Variants in ASTN2 observed in about 807,000 individuals in gnomAD.
ASTN2 encodes astrotactin-2.
ASTN2 carries 54 observed loss-of-function variants against 139.8 expected under a neutral mutation model. That is an observed-to-expected ratio of 0.39 (90% confidence interval 0.31 to 0.48). The LOEUF (loss-of-function observed/expected upper bound fraction) is 0.48. ASTN2 is among the 20% of genes least tolerant of loss of function. ASTN2 has a pLI of 0.95. For synonymous variants in ASTN2, 756 were observed against 719.5 expected (o/e 1.05, Z -0.81); for missense variants, 1,565 against 1,725.1 (o/e 0.91, Z 1.64).
chr9:117,222,611 G>A (rs1287167634), intron 2 of ASTN2, among the ~76,000 whole-genome samples: 1 of 152,118 alleles, frequency 6.6e-6, no homozygotes, highest in African/African-American at 2.4e-5. Context: ...CTGGAATGAT[G>A]CCCTCATTCT....
intron 20 of ASTN2, among the ~76,000 whole-genome samples, chr9:116,479,158 C>G (rs908232931): frequency 3.3e-5 from 5 of 152,104 alleles, no homozygotes; most frequent in Admixed American, 3.3e-4. Flanking sequence ...GGGCCAGAGA[C>G]AGGATGACCC....
intron 2 of ASTN2, among the ~76,000 whole-genome samples, chr9:117,243,025 AAG>A (rs1353164163): frequency 6.6e-6 from 1 of 152,236 alleles, no homozygotes; most frequent in Non-Finnish European, 1.5e-5. Flanking sequence ...GTAATTTATT[AAG>A]AGTCTTCCAT....
chr9:117,393,191 A>G (rs1311804325), intron 1 of ASTN2, among the ~76,000 whole-genome samples: 1 of 152,202 alleles, frequency 6.6e-6, no homozygotes, highest in Non-Finnish European at 1.5e-5. Flanking sequence ...CCCTGAGCAG[A>G]AGGAGCCAGC....
At chr9:116,700,182 A>G (rs898873787) in intron 16 of ASTN2, 3 of 208,366 alleles carry the variant, frequency 1.4e-5, no homozygotes, top group Non-Finnish European at 3.2e-5. Flanking sequence ...TCCACCTTTC[A>G]GTGACATTTA....
intron 16 of ASTN2, among the ~76,000 whole-genome samples, chr9:116,711,187 T>C (rs962449021): frequency 6.6e-6 from 1 of 152,230 alleles, no homozygotes; most frequent in Admixed American, 6.5e-5. Context: ...TCCTTTCTGC[T>C]CTGGCGACTA....
intron 13 of ASTN2, among the ~76,000 whole-genome samples, chr9:116,766,233 G>A (rs1564255135): frequency 2.0e-5 from 3 of 151,816 alleles, no homozygotes; most frequent in South Asian, 4.2e-4. Context: ...ACCCCCATGG[G>A]TATACACGCA....
chr9:117,363,675 G>A (rs915365509), intron 1 of ASTN2, among the ~76,000 whole-genome samples: 3 of 152,142 alleles, frequency 2.0e-5, no homozygotes, highest in Admixed American at 2.0e-4. Context: ...GTATGGGTAG[G>A]ATTTGAAGAT....
chr9:116,942,036 T>C (rs1835249584), intron 10 of ASTN2, among the ~76,000 whole-genome samples: 1 of 146,892 alleles, frequency 6.8e-6, no homozygotes, highest in South Asian at 2.2e-4. Flanking sequence ...TCTATAGAAA[T>C]TTAAGAGGGA....
At position 116,987,124 on chromosome 9, in the gene ASTN2, A is replaced by G. The variant is rs114710280; in HGVS notation, c.1592-10339T>C. 4.3e-3 allele frequency among the ~76,000 whole-genome samples: 658 copies of G among 152,290 alleles called. 4 individuals carry two copies. Among genetic ancestry groups the G allele is most frequent in the African/African-American group, 0.014 (600 of 41,556 alleles). On this transcript the variant is annotated intron_variant, in intron 7 of 22. Coordinates refer to ENST00000313400, the MANE Select transcript of ASTN2 (RefSeq NM_001365068.1). ...GACACTGTGGATAGTACTGAACCCT[A>G]CTGATGTGGTTTGGCTCTGTGTCCT...
intron 6 of ASTN2, among the ~76,000 whole-genome samples, chr9:117,016,632 A>ATGTTACATG (rs1837698814): frequency 5.7e-5 from 1 of 17,484 alleles, no homozygotes; most frequent in Non-Finnish European, 1.3e-4. Context: ...ATCTATATAT[A>ATGTTACATG]TATATATATA....
At chr9:117,222,499 A>G (rs1482089769) in intron 2 of ASTN2, among the ~76,000 whole-genome samples, 1 of 152,194 alleles carries the variant, frequency 6.6e-6, no homozygotes, top group African/African-American at 2.4e-5. Context: ...AGTGGCGAAG[A>G]GAAGGCCCAG....
chr9:116,738,502 TGGGTACAGTGTCTACTGTTCAGATGAA>T (rs1479992968), intron 13 of ASTN2, among the ~76,000 whole-genome samples: 40 of 151,278 alleles, frequency 2.6e-4, no homozygotes, highest in African/African-American at 9.7e-4. Context: ...GACTATGTGT[TGGGTACAGTGTCTACTGTTCAGATGAA>T]GGGTGCCCTA....
rs1837690163 is a variant in ASTN2 at position 117,016,611 on chromosome 9, TA to T, written c.1424-8353del. Among the ~76,000 whole-genome samples, 2 of 3,340 alleles carry T rather than the reference TA, an allele frequency of 6.0e-4. 1 individual carries two copies. The highest frequency in any genetic ancestry group is 1.4e-3 in the Non-Finnish European group (2 of 1,472). The allele number at this position is 3,340 out of a possible 152,430, so 2.2% of individuals were successfully genotyped here. A position where few individuals can be genotyped will look rare whatever the true frequency, so the allele number is the denominator to read the frequency against. On this transcript the variant is annotated intron_variant, in intron 6 of 22. Coordinates refer to ENST00000313400, the MANE Select transcript of ASTN2 (RefSeq NM_001365068.1). ...TAGGTTTTATATATATATCTATATC[TA>T]TATCTATCTATCTATATATATATAT...
chr9:116,457,993 T>C (rs533509703), intron 20 of ASTN2, among the ~76,000 whole-genome samples: 1 of 152,086 alleles, frequency 6.6e-6, no homozygotes, highest in African/African-American at 2.4e-5. Flanking sequence ...GTGGTACATA[T>C]ACACAATGGA....
intron 1 of ASTN2, among the ~76,000 whole-genome samples, chr9:117,322,750 G>A (rs1828373803): frequency 6.6e-6 from 1 of 152,050 alleles, no homozygotes; most frequent in African/African-American, 2.4e-5. Context: ...AGGTTGGTAT[G>A]AGCTTTGTTG....
chr9:117,344,980 G>A (rs570042689), intron 1 of ASTN2, among the ~76,000 whole-genome samples: 32 of 152,232 alleles, frequency 2.1e-4, no homozygotes, highest in African/African-American at 3.6e-4. Flanking sequence ...AGTGGGGAAC[G>A]TTTTTCTCCC....
chr9:117,323,839 G>A (rs1828422522), intron 1 of ASTN2, among the ~76,000 whole-genome samples: 1 of 151,984 alleles, frequency 6.6e-6, no homozygotes, highest in African/African-American at 2.4e-5. Context: ...CACATACTTT[G>A]TTGATGAGGA....
chr9:116,436,201 G>C (rs745822717), intron 22 of ASTN2, among the ~76,000 whole-genome samples: 1 of 151,850 alleles, frequency 6.6e-6, no homozygotes, highest in Non-Finnish European at 1.5e-5. Context: ...TTTAATATTT[G>C]CAAGGACATT....
intron 11 of ASTN2, among the ~76,000 whole-genome samples, chr9:116,857,135 A>G (rs1435103921): frequency 6.6e-6 from 1 of 152,264 alleles, no homozygotes. Context: ...GGTTAAAAGA[A>G]GCAAAGCACT....
Sources: allele counts gnomAD v4.1 joint callset (sites outside exome capture counted in the v4.1 genomes callset), GRCh38; gene constraint gnomAD v4.1.1; transcripts MANE v1.5; gene names NCBI Gene and HGNC (gene_info 2026-07-23, HGNC 2026-07-21).